The following ITIH4 variants were observed in gnomAD, a reference collection of about 807,000 sequenced individuals.
ITIH4 encodes the protein inter-alpha-trypsin inhibitor heavy chain H4.
In ITIH4, 79 loss-of-function variants were observed where a neutral mutation model predicts 111.8. The ratio of observed to expected loss-of-function variants is 0.71; its 90% CI spans 0.59 to 0.85. The LOEUF (loss-of-function observed/expected upper bound fraction) is 0.85, where lower values mean the gene tolerates loss of function less well. Among genes scored for constraint, ITIH4 ranks in the 40% least tolerant of loss-of-function variants. The probability of loss-of-function intolerance (pLI) is 0.00; values close to 1 mark genes in which losing one functional copy is unlikely to be tolerated. For missense variants in ITIH4, 1,065 were observed against 1,195.8 expected, an observed-to-expected ratio of 0.89 and a Z score of 1.61; for synonymous variants, 472 against 468.3, an observed-to-expected ratio of 1.01 and a Z score of -0.10.
intron 1 of ITIH4, 47 bp from the exon 2 acceptor site, chr3:52,829,326 C>A: frequency 6.4e-7 from 1 of 1,562,566 alleles, no homozygotes; most frequent in East Asian, 2.3e-5. Flanking sequence ...AATGCCACCT[C>A]AGCTCGGGGT....
In ITIH4 at chr3:52,817,529, C is replaced by A. The variant is rs964697293; in HGVS notation, c.2297-471G>T. On this transcript the variant is annotated intron_variant, in intron 20 of 23. Transcript: ENST00000266041. ...TGGCTTTGAGCGGGGCTGGGCGGTG[C>A]GGGGGTGAGCACTGCTGAGTGGAGT... Among the ~76,000 whole-genome samples, 3 of 152,126 alleles carry A rather than the reference C, an allele frequency of 2.0e-5. No individual in the cohort carries two copies. The East Asian group carries it at 5.8e-4, about 29-fold the overall frequency.
chr3:52,819,581 C>T, intron 16 of ITIH4, 63 bp from the exon 17 acceptor site: 11 of 1,609,022 alleles, frequency 6.8e-6, no homozygotes, highest in Non-Finnish European at 9.3e-6. Context: ...ACAGCCAGGG[C>T]TTGAGATCCA....
At position 52,829,330 on chromosome 3, in the gene ITIH4, T is replaced by G. The variant is rs2154111770; in HGVS notation, c.91-51A>C. 3 of 1,550,172 alleles carry G rather than the reference T, an allele frequency of 1.9e-6. No homozygotes were observed. In the South Asian group the frequency reaches 3.6e-5, roughly 18 times the overall value. On this transcript the variant is annotated intron_variant, in intron 1 of 23. Transcript: ENST00000266041. Reference sequence around the variant, plus strand: ...TGCAGGGTTTCAATGCCACCTCAGCTCGGGGTGACGCTCTTCAAGAGTTGG... The same window carrying G: ...TGCAGGGTTTCAATGCCACCTCAGCGCGGGGTGACGCTCTTCAAGAGTTGG...
chr3:52,820,033 T>C, intron 14 of ITIH4, 43 bp from the exon 15 acceptor site: 2 of 1,594,414 alleles, frequency 1.3e-6, no homozygotes, highest in Non-Finnish European at 8.6e-7. Flanking sequence ...GCACCCACCT[T>C]CCTGTGGCCC....
At chr3:52,823,234 T>C (rs751338128) in intron 11 of ITIH4, 1 of 257,958 alleles carries the variant, frequency 3.9e-6, no homozygotes, top group Non-Finnish European at 7.4e-6. Context: ...GTCTGCTCAT[T>C]TGTGAAATAG....
chr3:52,823,239 A>G (rs777172986), intron 11 of ITIH4: 2 of 271,070 alleles, frequency 7.4e-6, no homozygotes, highest in African/African-American at 2.2e-5. Flanking sequence ...CTCATTTGTG[A>G]AATAGGAGCA....
Position 52,824,781 on chromosome 3 carries a change from C to A in ITIH4, c.876+61G>T. 1 of 1,407,238 alleles carries A rather than the reference C, an allele frequency of 7.1e-7. No homozygotes were observed. The highest frequency in any genetic ancestry group is 9.9e-7 in the Non-Finnish European group (1 of 1,011,712). 87.2% of individuals were successfully genotyped at this position (1,407,238 alleles called of 1,614,324 possible). A position where few individuals can be genotyped will look rare whatever the true frequency, so the allele number is the denominator to read the frequency against. On this transcript the variant is annotated intron_variant, in intron 7 of 23. Coordinates refer to ENST00000266041, the MANE Select transcript of ITIH4 (RefSeq NM_002218.5). The surrounding 1 kb of genome is among the most constrained non-coding windows in gnomAD (Gnocchi z 4.3). ...GCAAGGGGGTCTGCCTGCCGGACCA[C>A]AGCTGATAGCGTGAAGGGCCTGGGA...
intron 2 of ITIH4, among the ~76,000 whole-genome samples, chr3:52,827,878 G>A (rs909413098): frequency 2.6e-5 from 4 of 152,250 alleles, no homozygotes; most frequent in African/African-American, 4.8e-5. Context: ...GGAGGAAAAC[G>A]ACTTTTTCAG....
intron 21 of ITIH4, among the ~76,000 whole-genome samples, chr3:52,815,347 G>C (rs762823109): frequency 6.6e-6 from 1 of 150,664 alleles, no homozygotes; most frequent in African/African-American, 2.4e-5. Flanking sequence ...GGGTTCAAGC[G>C]GTTCTCCTAC....
chr3:52,825,776 C>T, intron 6 of ITIH4, 110 bp downstream of exon 6: 1 of 1,233,890 alleles, frequency 8.1e-7, no homozygotes, highest in Non-Finnish European at 1.1e-6. Context: ...GTCCCTGGTG[C>T]ACACTGCTAA....
chr3:52,826,774 G>A lies in ITIH4; in HGVS notation c.519+17C>T, dbSNP rs762341058. The A allele has an allele frequency of 6.2e-7, 1 of 1,613,724 alleles. No homozygotes were observed. Among genetic ancestry groups the A allele is most frequent in the South Asian group, 1.1e-5 (1 of 91,090 alleles). ...GGTCATGCAGGAGGCCTCCCTGGAA[G>A]AGGTAGCAGCAGGTACCTGCAGGTG... On this transcript the variant is annotated intron_variant, in intron 4 of 23. Transcript: ENST00000266041.
chr3:52,813,363 C>T lies in ITIH4; in HGVS notation c.*58G>A. On this transcript the variant is annotated 3_prime_UTR_variant, in exon 24 of 24. Transcript: ENST00000266041. ...TGGTGGTCCAGGCCCCAGAAGCGGC[C>T]CTGCAGTTGCAGGGGGAAGCCAAGT... The T allele has an allele frequency of 1.4e-6, 2 of 1,473,700 alleles. No individual in the cohort carries two copies. Among genetic ancestry groups the T allele is most frequent in the South Asian group, 1.1e-5 (1 of 88,352 alleles). 91.3% of individuals were successfully genotyped at this position (1,473,700 alleles called of 1,614,324 possible).
At position 52,813,982 on chromosome 3, in the gene ITIH4, C is replaced by T; in HGVS notation, c.2716G>A (p.Ala906Thr). The T allele has an allele frequency of 6.2e-7, 1 of 1,612,108 alleles. No homozygotes were observed. Among genetic ancestry groups the T allele is most frequent in the African/African-American group, 1.3e-5 (1 of 75,020 alleles). Reference sequence around the variant, plus strand: ...CTGCTTGTGCCAAGTCACCTGGTGGCAGAGTGGTCATTGCCCTGAACCCTC... The same window carrying T: ...CTGCTTGTGCCAAGTCACCTGGTGGTAGAGTGGTCATTGCCCTGAACCCTC... ...TLRVQGNDHS[A>T]TRERRLDYQE... Residue 906 changes from alanine to threonine, a missense_variant, in exon 23 of 24, where the codon GCC (alanine) becomes ACC (threonine). Coordinates refer to ENST00000266041, the MANE Select transcript of ITIH4 (RefSeq NM_002218.5).
intron 16 of ITIH4, 37 bp from the exon 17 acceptor site, chr3:52,819,555 TG>T (rs1240722664): frequency 1.9e-6 from 3 of 1,613,316 alleles, no homozygotes; most frequent in Admixed American, 1.7e-5. Context: ...TTCTCTCAGG[TG>T]GGGTGTGGGT....
intron 11 of ITIH4, 23 bp from the exon 12 acceptor site, chr3:52,821,153 G>A (rs1272519090): frequency 1.2e-6 from 2 of 1,607,796 alleles, no homozygotes; most frequent in Non-Finnish European, 8.5e-7. Context: ...GCCCAGCCAG[G>A]GCAGGAGCAG....
intron 13 of ITIH4, 63 bp from the exon 14 acceptor site, chr3:52,820,380 G>A: frequency 1.3e-6 from 2 of 1,562,692 alleles, no homozygotes; most frequent in South Asian, 1.1e-5. Context: ...CACCGTCAGG[G>A]TGGTTTTCAT....
At chr3:52,821,866 G>A (rs1049659782) in intron 11 of ITIH4, among the ~76,000 whole-genome samples, 3 of 152,132 alleles carry the variant, frequency 2.0e-5, no homozygotes, top group African/African-American at 4.8e-5. Context: ...TCAGATCTGC[G>A]GTCTGCTCCC....
rs376871387 is a variant in ITIH4, at chr3:52,821,057, T to G, written c.1613A>C (p.Tyr538Ser). The change falls in exon 12 of 24, where the codon TAT becomes TCT. Residue 538 changes from tyrosine (Y) to serine (S), a missense_variant. By Grantham distance (144) the Tyr-to-Ser change is moderately radical. Transcript: ENST00000266041. ...CCTCTCCATGAAGTTGTGGAAGATA[T>G]ACTTGGGGCTCTGGAACTCCGCCTC... ...EQEAEFQSPK[Y>S]IFHNFMERLW... 1.2e-6 allele frequency: 2 copies of G among 1,613,916 alleles called. No individual in the cohort carries two copies. Among genetic ancestry groups the G allele is most frequent in the African/African-American group, 1.3e-5 (1 of 74,906 alleles).
In ITIH4 at chr3:52,819,501, G is replaced by A. The variant is rs774707268; in HGVS notation, c.1969C>T (p.Arg657Trp). Residue 657 changes from arginine to tryptophan, a missense_variant, in exon 17 of 24, where the codon CGG (arginine) becomes TGG (tryptophan). Transcript: ENST00000266041. ...AGAACCCCAGGTCTGAAATTCATCC[G>A]GGAGCCAGCAGCTCCAGCTTTGGAG... ...WNRQAGAAGSRMNFRPGVLSS... is the reference protein window; with the variant it reads ...WNRQAGAAGSWMNFRPGVLSS... 1.3e-5 allele frequency: 21 copies of A among 1,614,124 alleles called. No individual in the cohort carries two copies. Among genetic ancestry groups the A allele is most frequent in the Middle Eastern group, 1.6e-4 (1 of 6,062 alleles).
Sources: gnomAD v4.1 joint callset for allele counts (sites outside exome capture counted in the v4.1 genomes callset) on GRCh38, gnomAD v4.1.1 for gene constraint, Gnocchi (gnomAD v3.1) non-coding constraint, MANE v1.5 for transcripts, NCBI Gene and HGNC (gene_info 2026-07-23, HGNC 2026-07-21) for gene names.